Variants in ENTPD1 observed in about 807,000 individuals in gnomAD.
ENTPD1 encodes the protein ectonucleoside triphosphate diphosphohydrolase 1, also known as ATP diphosphohydrolase.
In ENTPD1, 33 loss-of-function variants were observed where a neutral mutation model predicts 57.0. That is an observed-to-expected ratio of 0.58 (90% confidence interval 0.44 to 0.77). ENTPD1 has a LOEUF of 0.77. ENTPD1 is among the 30% of genes least tolerant of loss of function. The probability of loss-of-function intolerance (pLI) is 0.00; values close to 1 mark genes in which losing one functional copy is unlikely to be tolerated. For synonymous variants in ENTPD1, 202 were observed against 218.8 expected (o/e 0.92, Z 0.68); for missense variants, 501 against 603.4 (o/e 0.83, Z 1.78).
upstream of ENTPD1, among the ~76,000 whole-genome samples, chr10:95,752,516 G>T (rs1303947986): frequency 6.6e-6 from 1 of 152,118 alleles, no homozygotes; most frequent in Non-Finnish European, 1.5e-5. Context: ...AATTAGCTGG[G>T]TGTGGTGGTG....
chr10:95,796,383 A>G (rs966918961), intron 1 of ENTPD1, among the ~76,000 whole-genome samples: 1 of 152,212 alleles, frequency 6.6e-6, no homozygotes, highest in Non-Finnish European at 1.5e-5. Flanking sequence ...AAGTGATAAC[A>G]CATAAACTAA....
chr10:95,756,119 G>A (rs1252954346), upstream of ENTPD1: 4 of 1,542,546 alleles, frequency 2.6e-6, no homozygotes, highest in Non-Finnish European at 3.5e-6. Flanking sequence ...CCTCCCACGA[G>A]CCCAAGGGTC....
chr10:95,695,033 T>TG, the ENTPD1 span, among the ~76,000 whole-genome samples: 1 of 151,524 alleles, frequency 6.6e-6, no homozygotes, highest in Non-Finnish European at 1.5e-5. Flanking sequence ...CCTGAGTAGC[T>TG]GGGATGACAG....
At chr10:95,730,623 G>A (rs187387979) in intron 1 of ENTPD1, among the ~76,000 whole-genome samples, 8 of 152,268 alleles carry the variant, frequency 5.3e-5, no homozygotes, top group Admixed American at 4.6e-4. Context: ...GAGATTAGTG[G>A]TAAGAAAATA....
At chr10:95,800,155 C>T (rs944255180) in intron 1 of ENTPD1, among the ~76,000 whole-genome samples, 1 of 152,120 alleles carries the variant, frequency 6.6e-6, no homozygotes, top group African/African-American at 2.4e-5. Context: ...TACGTTCTTT[C>T]TATTTTCCCT....
At chr10:95,824,652 C>T (rs751954070) in intron 2 of ENTPD1, among the ~76,000 whole-genome samples, 1 of 152,204 alleles carries the variant, frequency 6.6e-6, no homozygotes, top group Non-Finnish European at 1.5e-5. Flanking sequence ...CTTAATTTGA[C>T]CTTTTTACAT....
At chr10:95,705,219 A>T in the ENTPD1 span, among the ~76,000 whole-genome samples, 13 of 152,142 alleles carry the variant, frequency 8.5e-5, no homozygotes, top group African/African-American at 2.9e-4. Context: ...AAAGCTAAAC[A>T]TATACATACC....
rs1394059431 is a variant in ENTPD1, at chr10:95,864,715, C to T, written c.1189-9C>T. The T allele has an allele frequency of 1.2e-6, 2 of 1,614,108 alleles. No homozygotes were observed. The highest frequency in any genetic ancestry group is 8.5e-7 in the Non-Finnish European group (1 of 1,180,018). ...TACGAGTATGATCTCCCCCTCACTT[C>T]ACTTCTAGATAAAAACATCTTACGC... On this transcript the variant is annotated splice_polypyrimidine_tract_variant and intron_variant, in intron 8 of 9. Transcript: ENST00000371205.
Position 95,869,649 on chromosome 10 carries a change from A to G in ENTPD1, c.*3266A>G, listed in dbSNP as rs1486024931. On this transcript the variant is annotated 3_prime_UTR_variant, in exon 10 of 10. Transcript: ENST00000371205. ...AAATAAAGAAGTTTCAATTCATCCA[A>G]TTCTTAATAAGAAATATGTAAATAA... 3.1e-6 allele frequency: 3 copies of G among 983,048 alleles called. No individual in the cohort carries two copies. The highest frequency in any genetic ancestry group is 2.4e-6 in the Non-Finnish European group (2 of 827,972). 60.9% of individuals were successfully genotyped at this position (983,048 alleles called of 1,614,324 possible). A position where few individuals can be genotyped will look rare whatever the true frequency, so the allele number is the denominator to read the frequency against.
At chr10:95,763,938 CAGTT>C (rs1485519833) in intron 1 of ENTPD1, among the ~76,000 whole-genome samples, 1 of 152,212 alleles carries the variant, frequency 6.6e-6, no homozygotes, top group South Asian at 2.1e-4. Flanking sequence ...TAAAGTCTCT[CAGTT>C]GGTAAGTGTT....
At chr10:95,704,940 G>T in the ENTPD1 span, among the ~76,000 whole-genome samples, 1 of 151,716 alleles carries the variant, frequency 6.6e-6, no homozygotes, top group African/African-American at 2.4e-5. Flanking sequence ...AATACGTAAA[G>T]AATCCATGTA....
intron 2 of ENTPD1, chr10:95,839,332 C>CGCCG: frequency 3.1e-6 from 1 of 320,598 alleles, no homozygotes; most frequent in South Asian, 2.9e-5. Flanking sequence ...AGTTTGGGGA[C>CGCCG]TATAGATTAA....
chr10:95,725,518 A>G (rs899384209), intron 1 of ENTPD1, among the ~76,000 whole-genome samples: 1 of 152,006 alleles, frequency 6.6e-6, no homozygotes, highest in Non-Finnish European at 1.5e-5. Context: ...ATTAAACTGC[A>G]GATTCTCTTC....
At chr10:95,694,433 A>C in the ENTPD1 span, among the ~76,000 whole-genome samples, 4 of 151,282 alleles carry the variant, frequency 2.6e-5, no homozygotes, top group African/African-American at 9.7e-5. Context: ...AAAAAAAAAA[A>C]AACACATTAG....
chr10:95,766,816 T>C (rs1457690707), intron 1 of ENTPD1, among the ~76,000 whole-genome samples: 1 of 152,196 alleles, frequency 6.6e-6, no homozygotes, highest in East Asian at 1.9e-4. Flanking sequence ...GACTTTGTTA[T>C]TTGTTTTTAT....
chr10:95,705,094 C>A, the ENTPD1 span, among the ~76,000 whole-genome samples: 1 of 152,048 alleles, frequency 6.6e-6, no homozygotes, highest in Non-Finnish European at 1.5e-5. Flanking sequence ...AATTCCATAT[C>A]TTTTAAAGTG....
At chr10:95,711,770 C>A, upstream of ENTPD1, 1 of 707,108 alleles carries the variant, frequency 1.4e-6, no homozygotes, top group Non-Finnish European at 2.4e-6. Context: ...CTTCATTCTG[C>A]AGTCTCCTGT....
At chr10:95,702,437 T>A in the ENTPD1 span, among the ~76,000 whole-genome samples, 1 of 151,982 alleles carries the variant, frequency 6.6e-6, no homozygotes, top group East Asian at 1.9e-4. Context: ...GATTATTTGT[T>A]AAGATCTAGT....
chr10:95,718,538 T>C (rs1431267864), intron 1 of ENTPD1, among the ~76,000 whole-genome samples: 1 of 152,164 alleles, frequency 6.6e-6, no homozygotes, highest in Non-Finnish European at 1.5e-5. Context: ...TGATGTTTGA[T>C]AGGTGTTCCC....
Sources: allele counts gnomAD v4.1 joint callset (sites outside exome capture counted in the v4.1 genomes callset), GRCh38; gene constraint gnomAD v4.1.1; transcripts MANE v1.5; gene names NCBI Gene and HGNC (gene_info 2026-07-23, HGNC 2026-07-21).